The following PDE3A variants were observed in gnomAD, a reference collection of about 807,000 sequenced individuals.
PDE3A encodes the protein phosphodiesterase 3A.
Under a neutral mutation model 98.3 loss-of-function variants are expected in PDE3A, and 43 were observed. That is an observed-to-expected ratio of 0.44 (90% CI 0.34 to 0.56). The LOEUF is 0.56. Ranked by LOEUF, PDE3A falls within the 20% of genes least tolerant of loss-of-function variation. The pLI is 0.01. For missense variants in PDE3A, 1,427 were observed against 1,440.7 expected (o/e 0.99, Z 0.15); for synonymous variants, 663 against 567.9 (o/e 1.17, Z -2.38).
rs964052318 is a variant in PDE3A, at chr12:20,369,526, T to C, written c.242T>C (p.Val81Ala). 8 of 1,559,470 alleles carry C rather than the reference T, an allele frequency of 5.1e-6. No individual in the cohort carries two copies. The highest frequency in any genetic ancestry group is 6.1e-6 in the Non-Finnish European group (7 of 1,151,934). The change falls in exon 1 of 16, where the codon GTC becomes GCC. Residue 81 changes from valine (V) to alanine (A), a missense_variant. By Grantham distance (64) the Val-to-Ala change is moderately conservative. Transcript: ENST00000359062. The part of the protein sequence containing the change: ...SFLLALLVRL[V>A]RGEVGCDLEQ... ...CTGCTGGCGCTGCTGGTGAGGCTGG[T>C]CCGCGGGGAGGTCGGCTGTGACCTG...
intron 1 of PDE3A, among the ~76,000 whole-genome samples, chr12:20,392,795 C>A (rs1943943035): frequency 6.6e-6 from 1 of 151,912 alleles, no homozygotes; most frequent in African/African-American, 2.4e-5. Flanking sequence ...TACTATTCAG[C>A]CTTAAAAAGA....
At chr12:20,459,126 A>G (rs771864074) in intron 1 of PDE3A, among the ~76,000 whole-genome samples, 1 of 152,176 alleles carries the variant, frequency 6.6e-6, no homozygotes, top group South Asian at 2.1e-4. Flanking sequence ...AATTTGTACA[A>G]TGTACATCTG....
chr12:20,542,864 C>G (rs773432417), intron 1 of PDE3A, among the ~76,000 whole-genome samples: 2 of 151,846 alleles, frequency 1.3e-5, no homozygotes, highest in Non-Finnish European at 2.9e-5. Context: ...TGTCTTTTCA[C>G]GGGGCATGGT....
intron 1 of PDE3A, among the ~76,000 whole-genome samples, chr12:20,434,650 G>T (rs910303359): frequency 6.6e-6 from 1 of 152,118 alleles, no homozygotes; most frequent in Non-Finnish European, 1.5e-5. Context: ...ACTACATGGT[G>T]CTGAGAAGAA....
intron 1 of PDE3A, 145 bp downstream of exon 1, chr12:20,370,389 G>GTTTTTTTTTT (rs1407334826): frequency 7.4e-6 from 3 of 405,974 alleles, no homozygotes; most frequent in African/African-American, 4.3e-5. Flanking sequence ...AAACTAGCAG[G>GTTTTTTTTTT]TTTTTTTTTT....
At chr12:20,604,253 A>G (rs1229965754) in intron 2 of PDE3A, among the ~76,000 whole-genome samples, 1 of 152,050 alleles carries the variant, frequency 6.6e-6, no homozygotes, top group Non-Finnish European at 1.5e-5. Context: ...AAATGAATTT[A>G]CTTTTTAAAT....
intron 14 of PDE3A, among the ~76,000 whole-genome samples, chr12:20,652,170 G>A (rs10770684): frequency 6.6e-6 from 1 of 151,492 alleles, no homozygotes; most frequent in African/African-American, 2.4e-5. Context: ...GTCTATCATT[G>A]TTGGACATTT....
intron 1 of PDE3A, among the ~76,000 whole-genome samples, chr12:20,527,472 G>A (rs575976085): frequency 6.6e-6 from 1 of 152,148 alleles, no homozygotes; most frequent in South Asian, 2.1e-4. Flanking sequence ...CAGATAAATA[G>A]AAAGGCTATG....
chr12:20,526,721 A>ATT (rs11353817), intron 1 of PDE3A, among the ~76,000 whole-genome samples: 67 of 147,522 alleles, frequency 4.5e-4, no homozygotes, highest in East Asian at 3.0e-3. Context: ...TCTTAAACTG[A>ATT]TTTTTTTTTT....
chr12:20,469,559 G>A (rs1041216138), intron 1 of PDE3A, among the ~76,000 whole-genome samples: 14 of 152,094 alleles, frequency 9.2e-5, no homozygotes, highest in Non-Finnish European at 1.9e-4. Flanking sequence ...ATAGAAACTG[G>A]CTACTTTGAA....
At chr12:20,632,689 G>A (rs899743749) in intron 6 of PDE3A, among the ~76,000 whole-genome samples, 2 of 151,868 alleles carry the variant, frequency 1.3e-5, no homozygotes, top group African/African-American at 4.8e-5. Flanking sequence ...TTTTCTTGGT[G>A]GTTTACGGTA....
chr12:20,402,680 A>G (rs1944154804), intron 1 of PDE3A, among the ~76,000 whole-genome samples: 1 of 152,200 alleles, frequency 6.6e-6, no homozygotes. Flanking sequence ...ATTTTGAGCA[A>G]ATAATTTACA....
chr12:20,401,697 T>G (rs1029954429), intron 1 of PDE3A, among the ~76,000 whole-genome samples: 9 of 152,302 alleles, frequency 5.9e-5, no homozygotes, highest in East Asian at 3.9e-4. Flanking sequence ...CTCCTTCCTC[T>G]GAGTCTCCAT....
intron 1 of PDE3A, among the ~76,000 whole-genome samples, chr12:20,481,896 CT>C (rs1945635546): frequency 1.3e-5 from 2 of 151,002 alleles, no homozygotes; most frequent in Middle Eastern, 3.4e-3. Flanking sequence ...TCCCGAGTAG[CT>C]GGGACTACAG....
intron 15 of PDE3A, among the ~76,000 whole-genome samples, chr12:20,676,728 T>G (rs1945651603): frequency 6.6e-6 from 1 of 152,148 alleles, no homozygotes; most frequent in Admixed American, 6.5e-5. Flanking sequence ...CTCGATCTCC[T>G]GACCTCGTGA....
intron 1 of PDE3A, among the ~76,000 whole-genome samples, chr12:20,428,421 A>G (rs1944637764): frequency 6.6e-6 from 1 of 151,904 alleles, no homozygotes; most frequent in Non-Finnish European, 1.5e-5. Context: ...CTGCGACTAC[A>G]GGCGCCCGCC....
chr12:20,573,850 C>T (rs1397805592), intron 2 of PDE3A, among the ~76,000 whole-genome samples: 1 of 152,140 alleles, frequency 6.6e-6, no homozygotes, highest in Non-Finnish European at 1.5e-5. Context: ...ACTACAAGGT[C>T]AATCTTCGAG....
intron 1 of PDE3A, among the ~76,000 whole-genome samples, 179 bp downstream of exon 1, chr12:20,370,423 G>GT (rs571234280): frequency 0.052 from 4,448 of 85,946 alleles, 108 homozygotes; most frequent in Middle Eastern, 0.08. Context: ...TTTTTTTTTT[G>GT]TTTTTTTGCC....
chr12:20,621,035 T>C (rs940063087), intron 4 of PDE3A, among the ~76,000 whole-genome samples: 2 of 152,120 alleles, frequency 1.3e-5, no homozygotes, highest in African/African-American at 4.8e-5. Flanking sequence ...TTTTATTAAT[T>C]GGATAATAAG....
Sources: allele counts gnomAD v4.1 joint callset (sites outside exome capture counted in the v4.1 genomes callset), GRCh38; gene constraint gnomAD v4.1.1; transcripts MANE v1.5; gene names NCBI Gene and HGNC (gene_info 2026-07-23, HGNC 2026-07-21).